RAI14: variants seen among roughly 807,000 people sequenced by gnomAD.
The protein encoded by RAI14 is retinoic acid induced 14.
In RAI14, 45 loss-of-function variants were observed where a neutral mutation model predicts 115.4. The ratio of observed to expected loss-of-function variants is 0.39; its 90% CI spans 0.31 to 0.50. RAI14 has a LOEUF of 0.50. Ranked by LOEUF, RAI14 falls within the 20% of genes least tolerant of loss-of-function variation. RAI14 has a pLI of 0.85. For missense variants in RAI14, 939 were observed against 1,131.2 expected, an observed-to-expected ratio of 0.83 and a Z score of 2.44; for synonymous variants, 371 against 415.4, an observed-to-expected ratio of 0.89 and a Z score of 1.30.
At chr5:34,668,738 C>T (rs755620712) in intron 1 of RAI14, among the ~76,000 whole-genome samples, 10 of 152,004 alleles carry the variant, frequency 6.6e-5, no homozygotes, top group Admixed American at 2.6e-4. Context: ...TCATCAATAT[C>T]CATATACTTA....
At chr5:34,741,315 C>T (rs751140876) in intron 2 of RAI14, among the ~76,000 whole-genome samples, 53 of 152,332 alleles carry the variant, frequency 3.5e-4, no homozygotes, top group Middle Eastern at 3.4e-3. Context: ...GGTTAAGTAA[C>T]TTCTCCAGGG....
intron 2 of RAI14, among the ~76,000 whole-genome samples, chr5:34,692,947 T>C (rs1348333487): frequency 2.0e-5 from 3 of 152,172 alleles, no homozygotes; most frequent in African/African-American, 7.2e-5. Context: ...GCGAATCTGT[T>C]CCATGCTCTG....
chr5:34,665,503 T>G (rs1285331408), intron 1 of RAI14, among the ~76,000 whole-genome samples: 2 of 150,864 alleles, frequency 1.3e-5, no homozygotes, highest in Admixed American at 6.6e-5. Context: ...CTTTTTTTTT[T>G]TTTTTCTCTA....
chr5:34,742,878 G>A (rs951021998), intron 2 of RAI14, among the ~76,000 whole-genome samples: 11 of 152,018 alleles, frequency 7.2e-5, no homozygotes, highest in African/African-American at 2.2e-4. Context: ...TTGTCCAGGC[G>A]GTCTTGAACT....
chr5:34,824,264 A>C lies in RAI14; in HGVS notation c.2422A>C (p.Lys808Gln). The C allele has an allele frequency of 6.2e-7, 1 of 1,614,186 alleles. No homozygotes were observed. The highest frequency in any genetic ancestry group is 8.5e-7 in the Non-Finnish European group (1 of 1,180,022). The change falls in exon 15 of 18, where the codon AAG becomes CAG. Residue 808 changes from lysine (K) to glutamine (Q), a missense_variant. Transcript: ENST00000265109. ...SEVSVLASKLKESVKEKEKVH... is the reference protein window; with the variant it reads ...SEVSVLASKLQESVKEKEKVH... Reference sequence around the variant, plus strand: ...AGTGAGTGTGTTGGCATCGAAATTAAAGGAATCTGTGAAAGAGAAAGAGAA... The same window carrying C: ...AGTGAGTGTGTTGGCATCGAAATTACAGGAATCTGTGAAAGAGAAAGAGAA...
At chr5:34,672,015 T>C (rs550912319) in intron 1 of RAI14, among the ~76,000 whole-genome samples, 2 of 152,344 alleles carry the variant, frequency 1.3e-5, no homozygotes, top group South Asian at 4.1e-4. Flanking sequence ...ACTAGGATTT[T>C]GCCCTTAGCT....
Position 34,811,173 on chromosome 5 carries a change from A to C in RAI14, c.557+55A>C, listed in dbSNP as rs1408198593. ...ACTTCAGTGATACCCACATTCTGAG[A>C]GTATTTCAAAATATCACAGCTATAT... is the stretch of plus-strand genomic sequence containing the variant. On this transcript the variant is annotated intron_variant, in intron 8 of 17. Coordinates refer to ENST00000265109, the MANE Select transcript of RAI14 (RefSeq NM_015577.3). The C allele has an allele frequency of 2.2e-5, 35 of 1,562,592 alleles. No homozygotes were observed. In the South Asian group the frequency reaches 3.7e-4, roughly 17 times the overall value.
In RAI14 at chr5:34,775,313, C is replaced by T. The variant is rs1750702235; in HGVS notation, c.167+17715C>T. Among the ~76,000 whole-genome samples, 2 of 152,016 alleles carry T rather than the reference C, an allele frequency of 1.3e-5. 1 individual carries two copies. Among genetic ancestry groups the T allele is most frequent in the South Asian group, 4.2e-4 (2 of 4,818 alleles). ...TCTGCACAGCAAAAGAAATGATCAG[C>T]AAAGAGATAACCCACAGAATGGGAG... On this transcript the variant is annotated intron_variant, in intron 3 of 17. Coordinates refer to ENST00000265109, the MANE Select transcript of RAI14 (RefSeq NM_015577.3).
chr5:34,670,266 C>T (rs991617293), intron 1 of RAI14, among the ~76,000 whole-genome samples: 1 of 152,186 alleles, frequency 6.6e-6, no homozygotes, highest in African/African-American at 2.4e-5. Context: ...GTCTCACGTG[C>T]AGCCCAGTGT....
chr5:34,760,137 C>T (rs1190263829), intron 3 of RAI14, among the ~76,000 whole-genome samples: 1 of 151,720 alleles, frequency 6.6e-6, no homozygotes, highest in Non-Finnish European at 1.5e-5. Flanking sequence ...CAACCTCTGC[C>T]TCCTGGGTTC....
intron 1 of RAI14, among the ~76,000 whole-genome samples, chr5:34,657,794 G>C (rs907722731): frequency 2.6e-5 from 4 of 152,226 alleles, no homozygotes; most frequent in Non-Finnish European, 5.9e-5. Flanking sequence ...TCACCTCCTC[G>C]GGCTTTGCAC....
chr5:34,660,965 G>C (rs463036), intron 1 of RAI14, among the ~76,000 whole-genome samples: 68,128 of 151,510 alleles, frequency 0.45, 16,713 homozygotes, highest in South Asian at 0.65. Flanking sequence ...GTGTTATGTT[G>C]AGACACCTCC....
At chr5:34,696,578 C>T (rs1739266257) in intron 2 of RAI14, among the ~76,000 whole-genome samples, 3 of 152,188 alleles carry the variant, frequency 2.0e-5, no homozygotes, top group African/African-American at 7.2e-5. Context: ...ACCAGTTAAG[C>T]CTCAAGGGAA....
intron 2 of RAI14, among the ~76,000 whole-genome samples, chr5:34,718,152 A>AATTAGTG (rs1202508131): frequency 1.3e-5 from 2 of 152,208 alleles, no homozygotes; most frequent in Non-Finnish European, 2.9e-5. Flanking sequence ...ACAGCTAGCA[A>AATTAGTG]ATTAGTGAAT....
chr5:34,794,024 A>G (rs190648502), intron 3 of RAI14, among the ~76,000 whole-genome samples: 3,930 of 152,282 alleles, frequency 0.026, 189 homozygotes, highest in African/African-American at 0.09. Context: ...TTAAAGGTGG[A>G]CTTATTGTAA....
At chr5:34,757,316 T>G in intron 2 of RAI14, 152 bp from the exon 3 acceptor site, 1 of 866,462 alleles carries the variant, frequency 1.2e-6, no homozygotes, top group Non-Finnish European at 1.9e-6. Flanking sequence ...GTCTCCATGG[T>G]GAAGGGGAAG....
chr5:34,774,781 A>G (rs1306692797), intron 3 of RAI14, among the ~76,000 whole-genome samples: 1 of 151,936 alleles, frequency 6.6e-6, no homozygotes, highest in Non-Finnish European at 1.5e-5. Context: ...TAAAGTTCAT[A>G]TGAACCCACA....
chr5:34,666,230 C>T (rs549177039), intron 1 of RAI14, among the ~76,000 whole-genome samples: 11 of 151,956 alleles, frequency 7.2e-5, no homozygotes, highest in African/African-American at 2.7e-4. Flanking sequence ...TGACAATACT[C>T]CTAGGCTCAC....
intron 3 of RAI14, among the ~76,000 whole-genome samples, chr5:34,790,683 A>G (rs1330578971): frequency 2.0e-5 from 3 of 151,248 alleles, no homozygotes; most frequent in South Asian, 2.1e-4. Context: ...TAGCCTGCAC[A>G]TTTTTTAATA....
Sources: allele counts gnomAD v4.1 joint callset (sites outside exome capture counted in the v4.1 genomes callset), GRCh38; gene constraint gnomAD v4.1.1; transcripts MANE v1.5; gene names NCBI Gene and HGNC (gene_info 2026-07-23, HGNC 2026-07-21).